Variants in TAFA1 observed in about 807,000 individuals in gnomAD.
TAFA1 encodes the protein TAFA chemokine like family member 1.
TAFA1 carries 4 observed loss-of-function variants against 18.5 expected under a neutral mutation model. The observed-to-expected ratio is 0.22, with a 90% CI of 0.11 to 0.49. The LOEUF is 0.49. Ranked by LOEUF, TAFA1 falls within the 20% of genes least tolerant of loss-of-function variation. TAFA1 has a pLI of 0.98. For missense variants in TAFA1, 147 were observed against 169.0 expected (o/e 0.87, Z 0.72); for synonymous variants, 56 against 55.2 (o/e 1.01, Z -0.06).
chr3:68,238,432 A>G (rs541125266), intron 2 of TAFA1, among the ~76,000 whole-genome samples: 2 of 152,230 alleles, frequency 1.3e-5, no homozygotes, highest in South Asian at 4.1e-4. Context: ...TGCCAGATGT[A>G]AGATCTGGAA....
At chr3:68,262,582 C>A (rs1207146805) in intron 2 of TAFA1, among the ~76,000 whole-genome samples, 2 of 151,936 alleles carry the variant, frequency 1.3e-5, no homozygotes, top group African/African-American at 4.8e-5. Flanking sequence ...TGGCCTCCAG[C>A]TCCATCATGT....
intron 2 of TAFA1, among the ~76,000 whole-genome samples, chr3:68,038,026 TATAA>T (rs1212392301): frequency 6.6e-6 from 1 of 152,162 alleles, no homozygotes; most frequent in Non-Finnish European, 1.5e-5. Context: ...ATTATTATAT[TATAA>T]ATGATTCTCT....
chr3:68,405,400 C>G (rs2070579357), intron 2 of TAFA1, among the ~76,000 whole-genome samples: 1 of 151,872 alleles, frequency 6.6e-6, no homozygotes, highest in Non-Finnish European at 1.5e-5. Context: ...GTAATTCCAG[C>G]ACTTTGGGAG....
At chr3:67,994,111 T>C in the TAFA1 span, among the ~76,000 whole-genome samples, 5 of 152,304 alleles carry the variant, frequency 3.3e-5, no homozygotes, top group African/African-American at 9.6e-5. Flanking sequence ...GTTTTGGGTG[T>C]GTCTGTTGAG....
At chr3:68,005,824 G>A (rs974528088) in intron 1 of TAFA1, among the ~76,000 whole-genome samples, 1 of 152,176 alleles carries the variant, frequency 6.6e-6, no homozygotes, top group Admixed American at 6.5e-5. Context: ...GCGCAGTTGA[G>A]CCTTTGTAGT....
chr3:68,265,854 T>C (rs2067531913), intron 2 of TAFA1, among the ~76,000 whole-genome samples: 1 of 152,182 alleles, frequency 6.6e-6, no homozygotes, highest in Non-Finnish European at 1.5e-5. Context: ...GGTATAGGAC[T>C]CTTTCTCTGG....
chr3:68,192,545 A>G (rs1021785678), intron 2 of TAFA1: 3 of 163,594 alleles, frequency 1.8e-5, no homozygotes, highest in African/African-American at 7.2e-5. Context: ...AGAGAGCTGT[A>G]TAGTTCACAA....
intron 2 of TAFA1, among the ~76,000 whole-genome samples, chr3:68,047,136 C>T (rs143997543): frequency 2.0e-5 from 3 of 152,266 alleles, no homozygotes; most frequent in African/African-American, 7.2e-5. Context: ...AGATGCTACA[C>T]ATATTATCTT....
intron 2 of TAFA1, among the ~76,000 whole-genome samples, chr3:68,386,392 GT>G (rs539338513): frequency 4.0e-5 from 6 of 151,474 alleles, no homozygotes; most frequent in African/African-American, 9.7e-5. Flanking sequence ...GTGGTTACGA[GT>G]TTTTTTTTGT....
At chr3:68,403,402 G>T (rs2070535124) in intron 2 of TAFA1, among the ~76,000 whole-genome samples, 2 of 152,208 alleles carry the variant, frequency 1.3e-5, no homozygotes, top group Admixed American at 1.3e-4. Flanking sequence ...TGATTTATCA[G>T]TGTGGCTGTG....
At chr3:68,387,440 A>G (rs556950311) in intron 2 of TAFA1, among the ~76,000 whole-genome samples, 17 of 152,258 alleles carry the variant, frequency 1.1e-4, no homozygotes, top group Non-Finnish European at 2.2e-4. Context: ...TTTACATTAA[A>G]TAGTGCCACT....
chr3:68,045,038 A>G (rs990422888), intron 2 of TAFA1, among the ~76,000 whole-genome samples: 1 of 152,056 alleles, frequency 6.6e-6, no homozygotes, highest in Non-Finnish European at 1.5e-5. Flanking sequence ...ACCTCAGCTG[A>G]TCTCAGCTGG....
At chr3:68,120,132 C>A (rs1028187794) in intron 2 of TAFA1, among the ~76,000 whole-genome samples, 3 of 151,808 alleles carry the variant, frequency 2.0e-5, no homozygotes, top group African/African-American at 7.3e-5. Context: ...TCATAGTAAG[C>A]CTCCATATTT....
intron 2 of TAFA1, among the ~76,000 whole-genome samples, chr3:68,167,596 CAGA>C (rs1174635871): frequency 2.2e-4 from 31 of 138,278 alleles, no homozygotes; most frequent in Non-Finnish European, 9.3e-5. Context: ...ACAAAAAAAA[CAGA>C]AGAAGAAAAA....
intron 2 of TAFA1, among the ~76,000 whole-genome samples, chr3:68,272,156 T>C (rs2067688521): frequency 6.6e-6 from 1 of 152,194 alleles, no homozygotes; most frequent in South Asian, 2.1e-4. Flanking sequence ...TCCCACCAGG[T>C]GAAAAGCTGC....
chr3:68,074,242 A>G (rs922901668), intron 2 of TAFA1, among the ~76,000 whole-genome samples: 1 of 152,188 alleles, frequency 6.6e-6, no homozygotes, highest in Non-Finnish European at 1.5e-5. Flanking sequence ...TGCGAGTGAC[A>G]GGGAGCTGCT....
intron 3 of TAFA1, among the ~76,000 whole-genome samples, chr3:68,488,032 A>T (rs987334668): frequency 2.0e-5 from 3 of 152,194 alleles, no homozygotes; most frequent in Non-Finnish European, 4.4e-5. Context: ...GTAGAGACAG[A>T]TAAAACCATA....
At chr3:68,352,408 C>A (rs2106777142) in intron 2 of TAFA1, among the ~76,000 whole-genome samples, 1 of 151,938 alleles carries the variant, frequency 6.6e-6, no homozygotes, top group Middle Eastern at 3.4e-3. Context: ...AGAGAATTGA[C>A]AAGGCAAAGA....
chr3:68,330,758 T>C (rs1220916861), intron 2 of TAFA1, among the ~76,000 whole-genome samples: 2 of 152,214 alleles, frequency 1.3e-5, no homozygotes, highest in Non-Finnish European at 2.9e-5. Context: ...TTGGTTTGTA[T>C]AATTTTGGAA....
Sources: gnomAD v4.1 joint callset for allele counts (sites outside exome capture counted in the v4.1 genomes callset) on GRCh38, gnomAD v4.1.1 for gene constraint, MANE v1.5 for transcripts, NCBI Gene and HGNC (gene_info 2026-07-23, HGNC 2026-07-21) for gene names.